PRKACA: variants seen among roughly 807,000 people sequenced by gnomAD.
PRKACA encodes the protein protein kinase cAMP-activated catalytic subunit alpha, also known as cAMP-dependent protein kinase catalytic subunit alpha.
A neutral mutation model predicts 45.8 loss-of-function variants in PRKACA; 9 were observed. That is an observed-to-expected ratio of 0.20 (90% CI 0.12 to 0.34). The LOEUF is 0.34. PRKACA is among the 10% of genes least tolerant of loss of function. PRKACA has a pLI of 1.00. For missense variants in PRKACA, 238 were observed against 458.6 expected (o/e 0.52, Z 4.39); for synonymous variants, 160 against 178.6 (o/e 0.90, Z 0.83).
rs375578437 is a variant in PRKACA at position 14,114,180 on chromosome 19, C to T, written c.46+3322G>A. ...TCACTCAGTCCTGTTCTCAGGGCAC[C>T]GGCACTACGGTGGCTGGGAAGGCTC... is the stretch of plus-strand genomic sequence containing the variant. On this transcript the variant is annotated intron_variant, in intron 1 of 9. Transcript: ENST00000308677. The T allele has an allele frequency of 9.3e-6, 15 of 1,608,450 alleles. No homozygotes were observed. In the Admixed American group the frequency reaches 1.0e-4, roughly 11 times the overall value.
At chr19:14,107,583 A>G in intron 1 of PRKACA, 174 bp from the exon 2 acceptor site, 2 of 1,294,090 alleles carry the variant, frequency 1.5e-6, no homozygotes, top group Non-Finnish European at 1.0e-6. Context: ...CTCCCTTGCT[A>G]CAGAGAGGTG....
In PRKACA at chr19:14,092,302, C is replaced by T. The variant is rs1276035185; in HGVS notation, c.*810G>A. 4 of 240,982 alleles carry T rather than the reference C, an allele frequency of 1.7e-5. No individual in the cohort carries two copies. The highest frequency in any genetic ancestry group is 2.4e-5 in the Non-Finnish European group (3 of 126,128). The allele number at this position is 240,982 out of a possible 1,614,324, so 14.9% of individuals were successfully genotyped here. ...GCTGCTTTGTCTGGCTTTCAAAGCC[C>T]AAGGGTGAAGACAGGTCTGTTGGGG... On this transcript the variant is annotated 3_prime_UTR_variant, in exon 10 of 10. Coordinates refer to ENST00000308677, the MANE Select transcript of PRKACA (RefSeq NM_002730.4).
chr19:14,095,314 G>A (rs1055839445), intron 8 of PRKACA, among the ~76,000 whole-genome samples: 2 of 151,866 alleles, frequency 1.3e-5, no homozygotes, highest in Admixed American at 6.6e-5. Context: ...GGGATTACAG[G>A]TGTGTGCCAC....
Position 14,097,235 on chromosome 19 carries a change from C to T in PRKACA, c.765+126G>A. On this transcript the variant is annotated intron_variant, in intron 8 of 9. Coordinates refer to ENST00000308677, the MANE Select transcript of PRKACA (RefSeq NM_002730.4). This position sits in a 1 kb window ranked among gnomAD's most constrained non-coding sequence, Gnocchi z 5.4. Reference sequence around the variant, plus strand: ...GTGTGGCCGGCGCGTCCAGCTTCACCACCTGGCCTGACTTAAGGAACTTCT... The same window carrying T: ...GTGTGGCCGGCGCGTCCAGCTTCACTACCTGGCCTGACTTAAGGAACTTCT... The T allele has an allele frequency of 1.4e-6, 2 of 1,476,470 alleles. No homozygotes were observed. 91.5% of individuals were successfully genotyped at this position (1,476,470 alleles called of 1,614,324 possible). A position where few individuals can be genotyped will look rare whatever the true frequency, so the allele number is the denominator to read the frequency against.
At chr19:14,108,014 G>A (rs1977664386) in intron 1 of PRKACA, 3 of 985,988 alleles carry the variant, frequency 3.0e-6, no homozygotes, top group Non-Finnish European at 3.6e-6. Context: ...AAACTTCCCC[G>A]GCAGACCCTG....
At chr19:14,099,014 C>T (rs79646099) in intron 5 of PRKACA, among the ~76,000 whole-genome samples, 5,246 of 151,946 alleles carry the variant, frequency 0.035, 109 homozygotes, top group Non-Finnish European at 0.053. Context: ...AAGGCCAGCG[C>T]GGTGGCCCAT....
intron 1 of PRKACA, among the ~76,000 whole-genome samples, chr19:14,111,974 G>A (rs1459217795): frequency 2.0e-5 from 3 of 152,174 alleles, no homozygotes; most frequent in South Asian, 2.1e-4. Flanking sequence ...TCCCCGACTC[G>A]CTGAGCTCCC....
chr19:14,100,017 A>AT (rs745762900), intron 5 of PRKACA, among the ~76,000 whole-genome samples: 39 of 150,940 alleles, frequency 2.6e-4, no homozygotes, highest in Non-Finnish European at 3.8e-4. Flanking sequence ...ATTTTTTTGT[A>AT]TTTTTTTAGT....
chr19:14,098,330 C>T (rs1049418740), intron 5 of PRKACA: 10 of 168,510 alleles, frequency 5.9e-5, no homozygotes, highest in East Asian at 1.6e-4. Context: ...GGATTCGGCC[C>T]GGTGCGGTGG....
In PRKACA at chr19:14,117,592, G is replaced by A; in HGVS notation, c.-45C>T. On this transcript the variant is annotated 5_prime_UTR_variant, in exon 1 of 10. Transcript: ENST00000308677. Reference sequence around the variant, plus strand: ...GCCGGTCCCGGAGCTGCGGCGCGGCGGGTGCTGGCTGCGGCCGGCGGCCCC... The same window carrying A: ...GCCGGTCCCGGAGCTGCGGCGCGGCAGGTGCTGGCTGCGGCCGGCGGCCCC... 1 of 1,005,466 alleles carries A rather than the reference G, an allele frequency of 9.9e-7. No homozygotes were observed. Among genetic ancestry groups the A allele is most frequent in the Non-Finnish European group, 1.2e-6 (1 of 841,000 alleles). 62.3% of individuals were successfully genotyped at this position (1,005,466 alleles called of 1,614,324 possible).
At chr19:14,115,150 G>A (rs1222944248) in intron 1 of PRKACA, 1 of 977,928 alleles carries the variant, frequency 1.0e-6, no homozygotes, top group East Asian at 1.1e-4. Flanking sequence ...TTCTCAACGT[G>A]TGACATAGTC....
intron 1 of PRKACA, chr19:14,107,732 G>T: frequency 9.1e-7 from 1 of 1,099,950 alleles, no homozygotes; most frequent in South Asian, 3.2e-5. Flanking sequence ...GGCCAGGGCC[G>T]ACGCCAGCCG....
At chr19:14,105,119 G>C (rs1282059608) in intron 3 of PRKACA, among the ~76,000 whole-genome samples, 1 of 151,990 alleles carries the variant, frequency 6.6e-6, no homozygotes, top group Non-Finnish European at 1.5e-5. Context: ...ATGGAGGACT[G>C]GGAAAAAAAC....
At chr19:14,110,455 C>T (rs1179749548) in intron 1 of PRKACA, among the ~76,000 whole-genome samples, 1 of 151,774 alleles carries the variant, frequency 6.6e-6, no homozygotes, top group Non-Finnish European at 1.5e-5. Flanking sequence ...ACCTGTAGTC[C>T]CAGCTACTCA....
chr19:14,109,966 ATAT>A (rs1232864253), intron 1 of PRKACA, among the ~76,000 whole-genome samples: 59 of 24,566 alleles, frequency 2.4e-3, no homozygotes, highest in East Asian at 6.0e-3. Flanking sequence ...AAAAAAAAAA[ATAT>A]ATATATATAT....
chr19:14,102,439 T>G (rs1233609860), intron 4 of PRKACA, among the ~76,000 whole-genome samples: 2 of 152,140 alleles, frequency 1.3e-5, no homozygotes, highest in Non-Finnish European at 2.9e-5. Flanking sequence ...AGCTGAGGCT[T>G]GGGGAGATAA....
intron 5 of PRKACA, chr19:14,098,165 C>T (rs1313371090): frequency 1.1e-5 from 4 of 363,400 alleles, no homozygotes; most frequent in African/African-American, 2.0e-5. Context: ...AACAATGTGG[C>T]TGCATTTCAA....
chr19:14,101,585 C>T (rs1038378639), intron 4 of PRKACA, among the ~76,000 whole-genome samples: 3 of 150,674 alleles, frequency 2.0e-5, no homozygotes, highest in Non-Finnish European at 3.0e-5. Flanking sequence ...ACAAAATGGC[C>T]GGGCACGGCT....
intron 4 of PRKACA, 136 bp from the exon 5 acceptor site, chr19:14,101,044 T>C (rs1977427772): frequency 1.4e-6 from 1 of 730,658 alleles, no homozygotes; most frequent in Admixed American, 2.1e-5. Flanking sequence ...AATCATGTTC[T>C]ACAGGGGCGA....
Sources: gnomAD v4.1 joint callset for allele counts (sites outside exome capture counted in the v4.1 genomes callset) on GRCh38, gnomAD v4.1.1 for gene constraint, Gnocchi (gnomAD v3.1) non-coding constraint, MANE v1.5 for transcripts, NCBI Gene and HGNC (gene_info 2026-07-23, HGNC 2026-07-21) for gene names.